FAM169A: variants seen among roughly 807,000 people sequenced by gnomAD.
FAM169A encodes soluble lamin-associated protein of 75 kDa.
FAM169A carries 24 observed loss-of-function variants against 75.7 expected under a neutral mutation model. The observed-to-expected ratio is 0.32, with a 90% CI of 0.23 to 0.45. The LOEUF (loss-of-function observed/expected upper bound fraction) is 0.45, where lower values mean the gene tolerates loss of function less well. Ranked by LOEUF, FAM169A falls within the 20% of genes least tolerant of loss-of-function variation. The probability of loss-of-function intolerance (pLI) is 1.00; values close to 1 mark genes in which losing one functional copy is unlikely to be tolerated. For missense variants in FAM169A, 673 were observed against 784.0 expected (o/e 0.86, Z 1.69); for synonymous variants, 271 against 271.0 (o/e 1.00, Z 0.00).
intron 6 of FAM169A, among the ~76,000 whole-genome samples, chr5:74,806,932 AAAGAT>A (rs1746914777): frequency 1.3e-5 from 2 of 152,180 alleles, no homozygotes; most frequent in Non-Finnish European, 2.9e-5. Context: ...GCTGCCAAGG[AAAGAT>A]AAGATATGAT....
intron 2 of FAM169A, among the ~76,000 whole-genome samples, chr5:74,841,117 C>A (rs2112674488): frequency 6.6e-6 from 1 of 152,156 alleles, no homozygotes; most frequent in South Asian, 2.1e-4. Context: ...TGATCTATCA[C>A]AAAATATTAT....
At chr5:74,814,594 C>T (rs1747375515) in intron 5 of FAM169A, among the ~76,000 whole-genome samples, 1 of 152,134 alleles carries the variant, frequency 6.6e-6, no homozygotes, top group African/African-American at 2.4e-5. Flanking sequence ...TTGGAAACAT[C>T]TGTCTTAGAC....
intron 5 of FAM169A, among the ~76,000 whole-genome samples, chr5:74,827,556 T>C (rs752803476): frequency 9.2e-5 from 14 of 152,066 alleles, no homozygotes; most frequent in Non-Finnish European, 1.5e-4. Context: ...ATTATAATTA[T>C]TATATTAGTA....
chr5:74,854,085 T>A (rs1182733642), intron 1 of FAM169A, among the ~76,000 whole-genome samples: 3 of 152,056 alleles, frequency 2.0e-5, no homozygotes, highest in Non-Finnish European at 4.4e-5. Context: ...TGCATAATAA[T>A]CACACCAGGG....
chr5:74,857,106 C>T (rs946379737), intron 1 of FAM169A, among the ~76,000 whole-genome samples: 1 of 105,234 alleles, frequency 9.5e-6, no homozygotes, highest in African/African-American at 3.9e-5. Flanking sequence ...GAGACTCCAC[C>T]TCAAAAAAAA....
intron 8 of FAM169A, 50 bp downstream of exon 8, chr5:74,804,443 A>C: frequency 1.0e-6 from 1 of 957,766 alleles, no homozygotes; most frequent in Non-Finnish European, 1.5e-6. Context: ...TATTTTTTAA[A>C]AACACAAAAA....
chr5:74,832,327 G>A (rs1331169030), intron 5 of FAM169A, among the ~76,000 whole-genome samples: 2 of 151,734 alleles, frequency 1.3e-5, no homozygotes, highest in Non-Finnish European at 2.9e-5. Context: ...CTCTCACAGT[G>A]ATCTATTTCA....
At chr5:74,852,973 A>G (rs1471013911) in intron 1 of FAM169A, among the ~76,000 whole-genome samples, 2 of 152,236 alleles carry the variant, frequency 1.3e-5, no homozygotes, top group African/African-American at 4.8e-5. Context: ...TACTTATCAC[A>G]TAACAATACA....
intron 5 of FAM169A, among the ~76,000 whole-genome samples, chr5:74,825,444 T>G (rs1037360174): frequency 6.6e-6 from 1 of 152,190 alleles, no homozygotes; most frequent in East Asian, 1.9e-4. Context: ...AACAGCCACA[T>G]AAAGCTAGTG....
At chr5:74,807,416 A>T (rs1475799686) in intron 6 of FAM169A, among the ~76,000 whole-genome samples, 17 of 152,216 alleles carry the variant, frequency 1.1e-4, no homozygotes. Flanking sequence ...TGTGATTGGC[A>T]GCCACTGCCC....
intron 10 of FAM169A, chr5:74,799,835 CT>C: frequency 1.9e-6 from 2 of 1,057,798 alleles, no homozygotes. Flanking sequence ...GCTGCCTGAC[CT>C]TTGTCTCCAA....
intron 5 of FAM169A, among the ~76,000 whole-genome samples, chr5:74,820,753 C>G (rs1747728366): frequency 6.6e-6 from 1 of 152,146 alleles, no homozygotes; most frequent in Non-Finnish European, 1.5e-5. Context: ...TTTTAAAAGA[C>G]AAACCAGATG....
chr5:74,849,767 C>T (rs906339217), intron 1 of FAM169A, among the ~76,000 whole-genome samples: 1 of 152,158 alleles, frequency 6.6e-6, no homozygotes, highest in Non-Finnish European at 1.5e-5. Context: ...CTGCCCTACA[C>T]AAGGTCCTAA....
chr5:74,820,045 G>A (rs1277147105), intron 5 of FAM169A, among the ~76,000 whole-genome samples: 1 of 146,214 alleles, frequency 6.8e-6, no homozygotes, highest in African/African-American at 2.6e-5. Flanking sequence ...GCCCAGGCTG[G>A]AGTGCACTGG....
chr5:74,859,289 T>C (rs943199057), intron 1 of FAM169A, among the ~76,000 whole-genome samples: 10 of 139,946 alleles, frequency 7.1e-5, no homozygotes, highest in African/African-American at 1.8e-4. Flanking sequence ...GGTTTTCTCT[T>C]TTTTTTTTTT....
Position 74,813,854 on chromosome 5 carries a change from G to C in FAM169A, c.656C>G (p.Ser219Cys). The change falls in exon 6 of 13, where the codon TCT becomes TGT. Residue 219 changes from serine to cysteine, a missense_variant. Ser to Cys is a moderately radical substitution (Grantham distance 112). Coordinates refer to ENST00000687041, the MANE Select transcript of FAM169A (RefSeq NM_001376049.1). ...DALGLRYPLS[S>C]LMYTACKQYF... ...AGTCCATTTACCTGTATACATGAGA[G>C]AAGACAGTGGATACCGCAAGCCAAG... 6.3e-7 allele frequency: 1 copy of C among 1,579,226 alleles called. No individual in the cohort carries two copies. Among genetic ancestry groups the C allele is most frequent in the Non-Finnish European group, 8.5e-7 (1 of 1,169,598 alleles).
At chr5:74,839,885 C>G (rs1168890915) in intron 3 of FAM169A, among the ~76,000 whole-genome samples, 189 bp downstream of exon 3, 2 of 151,948 alleles carry the variant, frequency 1.3e-5, no homozygotes, top group African/African-American at 4.8e-5. Flanking sequence ...TTCTTTATAG[C>G]AGTGTGATAG....
upstream of FAM169A, chr5:74,866,876 G>T (rs1181290123): frequency 1.0e-6 from 1 of 985,384 alleles, no homozygotes; most frequent in Non-Finnish European, 1.2e-6. Flanking sequence ...GCACGGGCGA[G>T]GACCGCCGGC....
chr5:74,854,424 C>G (rs1173619504), intron 1 of FAM169A, among the ~76,000 whole-genome samples: 2 of 152,020 alleles, frequency 1.3e-5, no homozygotes, highest in Non-Finnish European at 2.9e-5. Context: ...ATAATAATCA[C>G]ATCCATCACC....
Sources: allele counts gnomAD v4.1 joint callset (sites outside exome capture counted in the v4.1 genomes callset), GRCh38; gene constraint gnomAD v4.1.1; transcripts MANE v1.5; gene names NCBI Gene and HGNC (gene_info 2026-07-23, HGNC 2026-07-21).